The following FANCC variants were observed in gnomAD, a reference collection of about 807,000 sequenced individuals.
The protein encoded by FANCC is Fanconi anemia group C protein.
FANCC carries 55 observed loss-of-function variants against 71.3 expected under a neutral mutation model. The ratio of observed to expected loss-of-function variants is 0.77; its 90% CI spans 0.62 to 0.97. FANCC has a LOEUF of 0.97. FANCC is among the 50% of genes least tolerant of loss of function. FANCC has a pLI of 0.00. For missense variants in FANCC, 678 were observed against 670.9 expected, an observed-to-expected ratio of 1.01 and a Z score of -0.12; for synonymous variants, 275 against 244.9, an observed-to-expected ratio of 1.12 and a Z score of -1.15.
chr9:95,127,267 CCTAT>C (rs1466082444), intron 8 of FANCC: 3 of 152,666 alleles, frequency 2.0e-5, no homozygotes, highest in African/African-American at 7.2e-5. Context: ...TCCCTGGTTC[CCTAT>C]CTTTTTGGCC....
rs181878580 is a variant in FANCC at position 95,135,829 on chromosome 9, C to T, written c.687-327G>A. ...TGGAAAAGGCCTCGTGATGCCCAGT[C>T]CCTAACTGAAGAAATAGGCATGTTC... is the stretch of plus-strand genomic sequence containing the variant. On this transcript the variant is annotated intron_variant, in intron 7 of 14. Transcript: ENST00000289081. 1.6e-4 allele frequency among the ~76,000 whole-genome samples: 24 copies of T among 152,324 alleles called. No individual in the cohort carries two copies. The East Asian group carries it at 4.4e-3, about 28-fold the overall frequency.
At position 95,101,670 on chromosome 9, in the gene FANCC, T is replaced by C; in HGVS notation, c.*37A>G. On this transcript the variant is annotated 3_prime_UTR_variant, in exon 15 of 15. Coordinates refer to ENST00000289081, the MANE Select transcript of FANCC (RefSeq NM_000136.3). ...TGTCCTGTGGCCCTGGCGAGCCTGA[T>C]CCCTCACGCCGGGCACCCACACGGC... The C allele has an allele frequency of 6.2e-7, 1 of 1,611,992 alleles. No individual in the cohort carries two copies. The highest frequency in any genetic ancestry group is 8.5e-7 in the Non-Finnish European group (1 of 1,179,750).
Position 95,186,779 on chromosome 9 carries a change from C to T in FANCC, c.346-14632G>A, listed in dbSNP as rs762767332. On this transcript the variant is annotated intron_variant, in intron 4 of 14. Coordinates refer to ENST00000289081, the MANE Select transcript of FANCC (RefSeq NM_000136.3). The stretch of plus-strand genomic sequence containing the variant: ...GAGGTTAGGGGGAGACTGCTGCGCT[C>T]GGACTGTTGGATTTTTTTTTTTTTT... Among the ~76,000 whole-genome samples the T allele has an allele frequency of 4.0e-5, 6 of 150,134 alleles. No homozygotes were observed. In the East Asian group the frequency reaches 5.9e-4, roughly 15 times the overall value.
chr9:95,120,365 GCTGT>G (rs1305074247), intron 10 of FANCC, among the ~76,000 whole-genome samples: 4 of 151,772 alleles, frequency 2.6e-5, no homozygotes, highest in African/African-American at 7.3e-5. Flanking sequence ...TCTATCTATG[GCTGT>G]CTTTTTGCCA....
chr9:95,288,572 T>A (rs947591276), intron 1 of FANCC, among the ~76,000 whole-genome samples: 3 of 152,184 alleles, frequency 2.0e-5, no homozygotes, highest in African/African-American at 7.2e-5. Flanking sequence ...ATAGGTCAAC[T>A]GAGTCCCAGC....
In FANCC at chr9:95,225,754, CAAAAT is replaced by C. The variant is rs1403308720; in HGVS notation, c.345+14890_345+14894del. Among the ~76,000 whole-genome samples the C allele has an allele frequency of 6.6e-5, 10 of 152,052 alleles. No individual in the cohort carries two copies. In the South Asian group the frequency reaches 1.9e-3, roughly 28 times the overall value. On this transcript the variant is annotated intron_variant, in intron 4 of 14. Coordinates refer to ENST00000289081, the MANE Select transcript of FANCC (RefSeq NM_000136.3). ...CTCCATGTAAATAAAATGAAAAAAA[CAAAAT>C]AAAACAAAACTTCCAAACAAAATTA...
At chr9:95,272,029 C>T (rs1000498570) in intron 1 of FANCC, among the ~76,000 whole-genome samples, 8 of 147,380 alleles carry the variant, frequency 5.4e-5, no homozygotes, top group Non-Finnish European at 1.2e-4. Flanking sequence ...CTCAACCTCC[C>T]GGGTTCACGC....
At chr9:95,264,408 C>T (rs1443542104) in intron 1 of FANCC, among the ~76,000 whole-genome samples, 1 of 152,124 alleles carries the variant, frequency 6.6e-6, no homozygotes, top group Non-Finnish European at 1.5e-5. Flanking sequence ...CCCTGTAGCT[C>T]CAAGATTGTT....
At position 95,162,747 on chromosome 9, in the gene FANCC, T is replaced by C. The variant is rs2135526286; in HGVS notation, c.521+8332A>G. On this transcript the variant is annotated intron_variant, in intron 6 of 14. Transcript: ENST00000289081. ...CATCTTTTCATATGCTTGTTGGTCATTTGTATATATTCTTTGGAGAAATGT... is the reference window on the plus strand; with the variant it reads ...CATCTTTTCATATGCTTGTTGGTCACTTGTATATATTCTTTGGAGAAATGT... Among the ~76,000 whole-genome samples the C allele has an allele frequency of 1.3e-5, 2 of 152,366 alleles. 1 individual carries two copies. The highest frequency in any genetic ancestry group is 2.9e-5 in the Non-Finnish European group (2 of 68,038).
At chr9:95,216,221 A>G (rs1828855046) in intron 4 of FANCC, among the ~76,000 whole-genome samples, 2 of 152,246 alleles carry the variant, frequency 1.3e-5, no homozygotes, top group Non-Finnish European at 2.9e-5. Flanking sequence ...AGCAGACTTA[A>G]AAACAAAAAG....
chr9:95,173,686 C>T (rs1043223561), intron 4 of FANCC, among the ~76,000 whole-genome samples: 8 of 152,058 alleles, frequency 5.3e-5, no homozygotes, highest in South Asian at 2.1e-4. Flanking sequence ...AAGGCCGAGA[C>T]GGGCAGATCA....
At chr9:95,126,137 T>C (rs1825942531) in intron 9 of FANCC, among the ~76,000 whole-genome samples, 2 of 152,238 alleles carry the variant, frequency 1.3e-5, no homozygotes, top group Non-Finnish European at 2.9e-5. Context: ...TTATTTTTCT[T>C]GGCTTTCTTT....
intron 4 of FANCC, among the ~76,000 whole-genome samples, chr9:95,203,348 G>A (rs1225680257): frequency 2.8e-5 from 4 of 144,360 alleles, no homozygotes; most frequent in East Asian, 2.1e-4. Context: ...CTTCAGCCTC[G>A]TGGCTGGGTG....
At chr9:95,120,610 C>G (rs1307585463) in intron 10 of FANCC, among the ~76,000 whole-genome samples, 2 of 151,508 alleles carry the variant, frequency 1.3e-5, no homozygotes, top group Non-Finnish European at 2.9e-5. Flanking sequence ...TTTGTAGAGA[C>G]TGGGGTCCCA....
At position 95,291,768 on chromosome 9, in the gene FANCC, C is replaced by T. The variant is rs893424224; in HGVS notation, c.-79+25758G>A. Among the ~76,000 whole-genome samples the T allele has an allele frequency of 6.0e-5, 9 of 151,232 alleles. No homozygotes were observed. In the South Asian group the frequency reaches 1.0e-3, roughly 18 times the overall value. On this transcript the variant is annotated intron_variant, in intron 1 of 14. Transcript: ENST00000289081. ...TGCGAGACCACCCTGGCCAACATGG[C>T]GAAACCCCATCTCTACTAAAAATAC... is the stretch of plus-strand genomic sequence containing the variant.
At chr9:95,263,986 T>C (rs1832231760) in intron 1 of FANCC, among the ~76,000 whole-genome samples, 1 of 152,232 alleles carries the variant, frequency 6.6e-6, no homozygotes, top group Non-Finnish European at 1.5e-5. Flanking sequence ...CTTTGTGTGA[T>C]ACTCAGAACG....
chr9:95,308,489 T>C (rs796470802), intron 1 of FANCC, among the ~76,000 whole-genome samples: 49 of 152,162 alleles, frequency 3.2e-4, no homozygotes, highest in African/African-American at 1.2e-3. Context: ...TTTCACCCTG[T>C]TGGCCAGGCT....
intron 14 of FANCC, among the ~76,000 whole-genome samples, chr9:95,102,319 C>G (rs1248536198): frequency 6.6e-6 from 1 of 152,216 alleles, no homozygotes; most frequent in Non-Finnish European, 1.5e-5. Context: ...GGCTAGCAAC[C>G]GGACCTACTT....
At chr9:95,213,299 G>T (rs1828623465) in intron 4 of FANCC, among the ~76,000 whole-genome samples, 1 of 152,084 alleles carries the variant, frequency 6.6e-6, no homozygotes, top group Non-Finnish European at 1.5e-5. Flanking sequence ...AAAAAGTAGA[G>T]ATGAAAGGAA....
Sources: gnomAD v4.1 joint callset for allele counts (sites outside exome capture counted in the v4.1 genomes callset) on GRCh38, gnomAD v4.1.1 for gene constraint, MANE v1.5 for transcripts, NCBI Gene and HGNC (gene_info 2026-07-23, HGNC 2026-07-21) for gene names.